ANK1: variants seen among roughly 807,000 people sequenced by gnomAD.
ANK1 encodes ankyrin 1.
A neutral mutation model predicts 210.4 loss-of-function variants in ANK1; 51 were observed. That is an observed-to-expected ratio of 0.24 (90% CI 0.19 to 0.31). The LOEUF (loss-of-function observed/expected upper bound fraction) is 0.31. ANK1 is among the 10% of genes least tolerant of loss of function. The pLI is 1.00. For synonymous variants in ANK1, 967 were observed against 1,025.9 expected, an observed-to-expected ratio of 0.94 and a Z score of 1.10; for missense variants, 2,051 against 2,504.4, an observed-to-expected ratio of 0.82 and a Z score of 3.86.
intron 1 of ANK1, chr8:41,896,268 A>C (rs1291014926): frequency 6.2e-6 from 9 of 1,440,012 alleles, no homozygotes; most frequent in Non-Finnish European, 7.3e-6. Context: ...GCCGCGCCCC[A>C]CCGCGTCCCG....
chr8:41,754,056 C>T (rs1369820414), intron 2 of ANK1, among the ~76,000 whole-genome samples: 2 of 152,186 alleles, frequency 1.3e-5, no homozygotes, highest in Admixed American at 6.5e-5. Flanking sequence ...TTCATGGTTC[C>T]TAACATAGTT....
intron 1 of ANK1, among the ~76,000 whole-genome samples, chr8:41,882,822 G>T (rs150684232): frequency 7.2e-5 from 11 of 152,148 alleles, no homozygotes; most frequent in African/African-American, 2.7e-4. Context: ...GGGCCTCCAC[G>T]CTCCTACAAG....
intron 1 of ANK1, among the ~76,000 whole-genome samples, chr8:41,853,116 C>T (rs1267432849): frequency 6.6e-6 from 1 of 152,196 alleles, no homozygotes; most frequent in African/African-American, 2.4e-5. Context: ...ATGAGATTCC[C>T]CCAGTGCATT....
At chr8:41,785,023 C>T (rs1195453977) in intron 1 of ANK1, among the ~76,000 whole-genome samples, 7 of 152,234 alleles carry the variant, frequency 4.6e-5, no homozygotes, top group East Asian at 1.9e-4. Flanking sequence ...CCTCGAGCCC[C>T]GGCTTCTCCT....
At chr8:41,682,747 T>C (rs1816464703) in intron 37 of ANK1, among the ~76,000 whole-genome samples, 1 of 152,216 alleles carries the variant, frequency 6.6e-6, no homozygotes, top group Non-Finnish European at 1.5e-5. Flanking sequence ...TGGTGGCCCA[T>C]TGTCCTGTAG....
At chr8:41,679,237 T>C (rs1815159782) in intron 37 of ANK1, among the ~76,000 whole-genome samples, 1 of 152,196 alleles carries the variant, frequency 6.6e-6, no homozygotes, top group Non-Finnish European at 1.5e-5. Flanking sequence ...CCTTGTGGAG[T>C]GCTGGATGTT....
At position 41,655,572 on chromosome 8, in the gene ANK1, G is replaced by A; in HGVS notation, c.*218C>T. The A allele has an allele frequency of 1.2e-5, 10 of 842,914 alleles. No individual in the cohort carries two copies. Among genetic ancestry groups the A allele is most frequent in the Non-Finnish European group, 1.9e-6 (1 of 519,764 alleles). 52.2% of individuals were successfully genotyped at this position (842,914 alleles called of 1,614,324 possible). ...TTGCAAGAGGCAGGATTGAAGCCTG[G>A]AGGTCATGCGTCTACAGTCAGTCAT... On this transcript the variant is annotated 3_prime_UTR_variant, in exon 43 of 43. Transcript: ENST00000289734.
At chr8:41,789,628 T>A (rs1211633648) in intron 1 of ANK1, among the ~76,000 whole-genome samples, 1 of 152,164 alleles carries the variant, frequency 6.6e-6, no homozygotes, top group African/African-American at 2.4e-5. Context: ...TGAAGACTAG[T>A]GGGGAGACAG....
At chr8:41,809,282 A>G (rs147988282) in intron 1 of ANK1, among the ~76,000 whole-genome samples, 84 of 152,104 alleles carry the variant, frequency 5.5e-4, no homozygotes, top group African/African-American at 1.9e-3. Flanking sequence ...TAAAACAAAC[A>G]CTACATCTAC....
At chr8:41,773,739 G>C (rs950953639) in intron 1 of ANK1, among the ~76,000 whole-genome samples, 1 of 151,982 alleles carries the variant, frequency 6.6e-6, no homozygotes, top group Non-Finnish European at 1.5e-5. Flanking sequence ...CCTCCTGCAT[G>C]CACTGCAGAG....
intron 16 of ANK1, among the ~76,000 whole-genome samples, chr8:41,712,145 G>C (rs1270014304): frequency 6.6e-6 from 1 of 152,132 alleles, no homozygotes; most frequent in Non-Finnish European, 1.5e-5. Context: ...GGATGGTCTT[G>C]AACTCCTGAC....
chr8:41,704,458 G>A lies in ANK1; in HGVS notation c.2112C>T (p.Pro704=), dbSNP rs1349130284. ...VDATTRMGYT[P]LHVASHYGNI... ...TTCCATAGTGACTGGCCACATGGAG[G>A]GGAGTGTAGCCCATCTGAAAAGCAG... is the stretch of plus-strand genomic sequence containing the variant. The change falls in exon 19 of 43, where the codon CCC becomes CCT. Residue 704 remains proline, a synonymous_variant. Transcript: ENST00000289734. This position sits in a 1 kb window ranked among gnomAD's most constrained non-coding sequence, Gnocchi z 4.1. The A allele has an allele frequency of 6.2e-7, 1 of 1,614,100 alleles. No individual in the cohort carries two copies. Among genetic ancestry groups the A allele is most frequent in the East Asian group, 2.2e-5 (1 of 44,886 alleles).
At chr8:41,764,352 C>T (rs1231752419) in intron 1 of ANK1, among the ~76,000 whole-genome samples, 4 of 152,184 alleles carry the variant, frequency 2.6e-5, no homozygotes, top group African/African-American at 9.7e-5. Flanking sequence ...GACCTGTCCT[C>T]AGTACATCCA....
At chr8:41,665,044 G>C in intron 39 of ANK1, 1 of 1,611,216 alleles carries the variant, frequency 6.2e-7, no homozygotes, top group Non-Finnish European at 8.5e-7. Flanking sequence ...TCACCAGCCC[G>C]GTCCTCTGGC....
intron 1 of ANK1, among the ~76,000 whole-genome samples, chr8:41,834,880 T>C (rs1450861635): frequency 6.6e-6 from 1 of 152,206 alleles, no homozygotes; most frequent in Non-Finnish European, 1.5e-5. Context: ...TACAGCTCAG[T>C]GCTGCCGCCT....
At chr8:41,724,634 T>A in intron 6 of ANK1, 80 bp from the exon 7 acceptor site, 1 of 1,329,662 alleles carries the variant, frequency 7.5e-7, no homozygotes, top group Non-Finnish European at 1.0e-6. Context: ...TGCAGGAAAC[T>A]CAGGTGGGGC....
intron 1 of ANK1, among the ~76,000 whole-genome samples, chr8:41,889,001 T>C (rs771243704): frequency 3.3e-5 from 5 of 152,150 alleles, no homozygotes; most frequent in African/African-American, 1.2e-4. Context: ...AGGAAAACTA[T>C]CTTCAGTTTT....
chr8:41,660,534 G>T, intron 42 of ANK1: 4 of 466,874 alleles, frequency 8.6e-6, no homozygotes, highest in South Asian at 4.7e-5. Flanking sequence ...GATCAGAGCC[G>T]GCCGCTGAAG....
intron 1 of ANK1, among the ~76,000 whole-genome samples, chr8:41,875,727 A>C (rs1009311762): frequency 1.3e-5 from 2 of 152,188 alleles, no homozygotes; most frequent in African/African-American, 4.8e-5. Flanking sequence ...CACGCTTTGC[A>C]GGGGGAGGAC....
Sources: gnomAD v4.1 joint callset for allele counts (sites outside exome capture counted in the v4.1 genomes callset) on GRCh38, gnomAD v4.1.1 for gene constraint, Gnocchi (gnomAD v3.1) non-coding constraint, MANE v1.5 for transcripts, NCBI Gene and HGNC (gene_info 2026-07-23, HGNC 2026-07-21) for gene names.